The following IL15 variants were observed in gnomAD, a reference collection of about 807,000 sequenced individuals.
IL15 encodes interleukin-15.
A neutral mutation model predicts 19.6 loss-of-function variants in IL15; 11 were observed. The observed-to-expected ratio is 0.56, with a 90% CI of 0.35 to 0.93. The LOEUF is 0.93. IL15 is among the 40% of genes least tolerant of loss of function. The pLI is 0.01. For missense variants in IL15, 197 were observed against 186.5 expected (o/e 1.06, Z -0.33); for synonymous variants, 58 against 59.6 (o/e 0.97, Z 0.12).
chr4:141,721,126 A>C (rs1198252048), intron 4 of IL15: 6 of 1,523,784 alleles, frequency 3.9e-6, no homozygotes, highest in Non-Finnish European at 5.4e-6. Context: ...CTCTCAGTTC[A>C]GTTTTACTCT....
intron 2 of IL15, among the ~76,000 whole-genome samples, chr4:141,676,987 A>G (rs1402524488): frequency 6.6e-6 from 1 of 152,214 alleles, no homozygotes; most frequent in Non-Finnish European, 1.5e-5. Flanking sequence ...CAGAAGGGTT[A>G]TTGTTATTCA....
intron 4 of IL15, chr4:141,721,608 T>C: frequency 1.9e-6 from 1 of 528,996 alleles, no homozygotes; most frequent in South Asian, 1.7e-5. Flanking sequence ...AAATCATTTA[T>C]TGAGCATTGC....
intron 2 of IL15, among the ~76,000 whole-genome samples, chr4:141,665,232 A>G (rs1472116763): frequency 6.6e-6 from 1 of 152,116 alleles, no homozygotes; most frequent in African/African-American, 2.4e-5. Flanking sequence ...TTTTTAAGAA[A>G]CATTACTATA....
intron 1 of IL15, among the ~76,000 whole-genome samples, chr4:141,653,185 TA>T (rs1578991170): frequency 1.3e-5 from 2 of 152,230 alleles, no homozygotes; most frequent in East Asian, 3.9e-4. Context: ...ATAATTCAAT[TA>T]AAAAAATTAT....
intron 2 of IL15, among the ~76,000 whole-genome samples, chr4:141,697,597 T>C (rs992966827): frequency 2.0e-5 from 3 of 152,120 alleles, no homozygotes; most frequent in South Asian, 2.1e-4. Flanking sequence ...AGATTGCTTT[T>C]GGCAATATGG....
chr4:141,640,737 G>A (rs1164927135), intron 1 of IL15, among the ~76,000 whole-genome samples: 4 of 152,142 alleles, frequency 2.6e-5, no homozygotes, highest in African/African-American at 9.7e-5. Flanking sequence ...CACTGCAGGG[G>A]CAGAAGACTC....
chr4:141,711,097 G>A (rs913958747), intron 2 of IL15, among the ~76,000 whole-genome samples: 5 of 152,106 alleles, frequency 3.3e-5, no homozygotes, highest in Non-Finnish European at 7.4e-5. Flanking sequence ...GTAATTTCAT[G>A]AGTGTATAGT....
intron 2 of IL15, among the ~76,000 whole-genome samples, chr4:141,682,436 T>C (rs187032872): frequency 7.2e-5 from 11 of 152,336 alleles, no homozygotes; most frequent in Non-Finnish European, 1.3e-4. Flanking sequence ...ACCAAAATTA[T>C]TTAAAGAATA....
intron 1 of IL15, among the ~76,000 whole-genome samples, chr4:141,649,331 A>G (rs72712403): frequency 0.019 from 2,917 of 152,210 alleles, 36 homozygotes; most frequent in Non-Finnish European, 0.029. Flanking sequence ...TAACATATGT[A>G]GCATTCTCAA....
At chr4:141,667,227 G>A (rs1322380065) in intron 2 of IL15, among the ~76,000 whole-genome samples, 1 of 152,154 alleles carries the variant, frequency 6.6e-6, no homozygotes, top group Non-Finnish European at 1.5e-5. Flanking sequence ...TGAATTATGT[G>A]AGCCAGCCTA....
intron 2 of IL15, among the ~76,000 whole-genome samples, chr4:141,665,311 A>G (rs1727933253): frequency 1.3e-5 from 2 of 152,158 alleles, no homozygotes; most frequent in African/African-American, 4.8e-5. Context: ...AAGGAAATTG[A>G]TTATCACTGG....
chr4:141,728,545 G>C (rs1299665076), intron 6 of IL15, among the ~76,000 whole-genome samples: 1 of 152,074 alleles, frequency 6.6e-6, no homozygotes, highest in Non-Finnish European at 1.5e-5. Context: ...ATTTCCTAAG[G>C]AATGTAGGAT....
chr4:141,644,492 T>A (rs1727155914), intron 1 of IL15, among the ~76,000 whole-genome samples: 1 of 152,180 alleles, frequency 6.6e-6, no homozygotes, highest in African/African-American at 2.4e-5. Context: ...CAAGCATCCA[T>A]CTCTCCGTAT....
intron 4 of IL15, chr4:141,721,660 G>A: frequency 1.9e-6 from 1 of 525,192 alleles, no homozygotes; most frequent in South Asian, 2.0e-5. Flanking sequence ...GATAAATTGA[G>A]CCAGTTTATT....
chr4:141,718,294 G>A (rs1729959663), intron 2 of IL15: 1 of 151,406 alleles, frequency 6.6e-6, no homozygotes, highest in Admixed American at 6.6e-5. Flanking sequence ...TGAAAAATGT[G>A]GATTCAAGGA....
chr4:141,720,767 A>G (rs1295219804), intron 4 of IL15: 1 of 588,896 alleles, frequency 1.7e-6, no homozygotes, highest in Non-Finnish European at 3.0e-6. Context: ...TTGTGGTAAT[A>G]GTCCAAACAA....
At chr4:141,652,064 A>G (rs1727425275) in intron 1 of IL15, among the ~76,000 whole-genome samples, 1 of 152,096 alleles carries the variant, frequency 6.6e-6, no homozygotes, top group Admixed American at 6.6e-5. Context: ...TACAAAAACC[A>G]TTTTCCTTAG....
chr4:141,707,085 T>C (rs1429215367), intron 2 of IL15, among the ~76,000 whole-genome samples: 1 of 152,188 alleles, frequency 6.6e-6, no homozygotes, highest in African/African-American at 2.4e-5. Context: ...TCTGTAGGCT[T>C]TCTTCATTCT....
chr4:141,657,848 G>T (rs572487124), intron 2 of IL15, among the ~76,000 whole-genome samples: 1 of 152,234 alleles, frequency 6.6e-6, no homozygotes, highest in Admixed American at 6.5e-5. Context: ...AGTAAAAGGA[G>T]TACACCATAC....
Sources: allele counts gnomAD v4.1 joint callset (sites outside exome capture counted in the v4.1 genomes callset), GRCh38; gene constraint gnomAD v4.1.1; transcripts MANE v1.5; gene names NCBI Gene and HGNC (gene_info 2026-07-23, HGNC 2026-07-21).